Variants in SOX5 observed in about 807,000 individuals in gnomAD.
The protein encoded by SOX5 is transcription factor SOX-5.
A neutral mutation model predicts 92.0 loss-of-function variants in SOX5; 9 were observed. That is an observed-to-expected ratio of 0.10 (90% CI 0.06 to 0.17). The LOEUF is 0.17. Among genes scored for constraint, SOX5 ranks in the 10% least tolerant of loss-of-function variants. The probability of loss-of-function intolerance (pLI) is 1.00; values close to 1 mark genes in which losing one functional copy is unlikely to be tolerated. For missense variants in SOX5, 642 were observed against 944.5 expected (o/e 0.68, Z 4.20); for synonymous variants, 344 against 336.3 (o/e 1.02, Z -0.25).
intron 4 of SOX5, among the ~76,000 whole-genome samples, chr12:23,975,966 T>A (rs1948844054): frequency 6.6e-6 from 1 of 152,184 alleles, no homozygotes; most frequent in Admixed American, 6.5e-5. Context: ...CAACTTCACA[T>A]ATAGTCAATA....
rs150000933 is a variant in SOX5 at position 23,904,515 on chromosome 12, C to T, written c.39-8491G>A. Among the ~76,000 whole-genome samples, 45 of 152,246 alleles carry T rather than the reference C, an allele frequency of 3.0e-4. No homozygotes were observed. The East Asian group carries it at 7.5e-3, about 25-fold the overall frequency. Reference sequence around the variant, plus strand: ...TGTATTTCACCAGAGTAGAGATCAACAAAATTTACCATAACATGTAAATCT... The same window carrying T: ...TGTATTTCACCAGAGTAGAGATCAATAAAATTTACCATAACATGTAAATCT... On this transcript the variant is annotated intron_variant, in intron 1 of 14. Coordinates refer to ENST00000451604, the MANE Select transcript of SOX5 (RefSeq NM_006940.6).
chr12:24,473,675 G>A (rs1173873109), intron 1 of SOX5, among the ~76,000 whole-genome samples: 3 of 152,172 alleles, frequency 2.0e-5, no homozygotes, highest in African/African-American at 7.2e-5. Flanking sequence ...CTCATTGTAA[G>A]AATCCGAGTA....
intron 13 of SOX5, among the ~76,000 whole-genome samples, chr12:23,541,474 G>GT (rs1294788718): frequency 1.3e-5 from 2 of 152,004 alleles, no homozygotes; most frequent in African/African-American, 4.8e-5. Flanking sequence ...CTGGTATGTT[G>GT]TTTTTTAAAG....
intron 3 of SOX5, among the ~76,000 whole-genome samples, chr12:24,235,916 G>A (rs1206987700): frequency 6.6e-6 from 1 of 152,130 alleles, no homozygotes; most frequent in African/African-American, 2.4e-5. Context: ...CAGGCTGGGT[G>A]TGGTGGCTCA....
chr12:23,631,741 T>C (rs1043466430), intron 8 of SOX5, among the ~76,000 whole-genome samples: 1 of 152,108 alleles, frequency 6.6e-6, no homozygotes, highest in Admixed American at 6.6e-5. Context: ...AATCGACCAT[T>C]ACAATAAAAA....
intron 10 of SOX5, among the ~76,000 whole-genome samples, chr12:23,571,400 T>C (rs537099505): frequency 1.6e-4 from 25 of 152,018 alleles, no homozygotes; most frequent in Non-Finnish European, 3.4e-4. Flanking sequence ...AACAGTACAT[T>C]CCAATATGTC....
At chr12:24,292,599 C>T (rs868831292) in intron 2 of SOX5, among the ~76,000 whole-genome samples, 1 of 152,126 alleles carries the variant, frequency 6.6e-6, no homozygotes, top group Non-Finnish European at 1.5e-5. Flanking sequence ...TTCACATAGA[C>T]CACAATTTCA....
intron 2 of SOX5, among the ~76,000 whole-genome samples, chr12:24,338,770 G>A (rs1262462390): frequency 6.6e-6 from 1 of 152,122 alleles, no homozygotes; most frequent in East Asian, 1.9e-4. Context: ...ATAAAGGGCA[G>A]TTCCCCTGTA....
chr12:23,612,621 A>G (rs1226613819), intron 8 of SOX5, among the ~76,000 whole-genome samples: 1 of 152,164 alleles, frequency 6.6e-6, no homozygotes, highest in South Asian at 2.1e-4. Context: ...ACATATATGC[A>G]ATGTGTTAAA....
intron 4 of SOX5, among the ~76,000 whole-genome samples, chr12:24,203,990 A>G (rs776113840): frequency 4.6e-5 from 7 of 152,162 alleles, no homozygotes; most frequent in African/African-American, 7.2e-5. Context: ...AACTACACCA[A>G]AAAAGTCCAT....
intron 2 of SOX5, among the ~76,000 whole-genome samples, chr12:23,872,164 A>AT (rs71059938): frequency 0.12 from 7,428 of 61,586 alleles, 1,240 homozygotes; most frequent in Non-Finnish European, 0.18. Context: ...CGCCCGGCTA[A>AT]TTTTTTTTTT....
chr12:24,176,751 G>A (rs562070736), intron 4 of SOX5, among the ~76,000 whole-genome samples: 155 of 152,278 alleles, frequency 1.0e-3, no homozygotes, highest in South Asian at 2.1e-3. Context: ...ATGTGGTGGC[G>A]AAGTGGAAGT....
chr12:24,344,596 AT>A (rs1255939387), intron 2 of SOX5, among the ~76,000 whole-genome samples: 1 of 152,162 alleles, frequency 6.6e-6, no homozygotes, highest in Non-Finnish European at 1.5e-5. Context: ...TTTTTCAAAC[AT>A]TCAAATGACT....
chr12:23,964,346 C>T (rs926126487), intron 4 of SOX5, among the ~76,000 whole-genome samples: 5 of 152,112 alleles, frequency 3.3e-5, no homozygotes, highest in African/African-American at 1.2e-4. Context: ...ACGATTCACA[C>T]GTATTCCTTA....
At chr12:24,371,591 G>A (rs756718065) in intron 1 of SOX5, among the ~76,000 whole-genome samples, 2 of 152,184 alleles carry the variant, frequency 1.3e-5, no homozygotes, top group Middle Eastern at 3.2e-3. Context: ...TATGGGCTAC[G>A]TTTCCTTAAC....
At position 23,892,787 on chromosome 12, in the gene SOX5, G is replaced by A. The variant is rs368412489; in HGVS notation, c.270+3006C>T. 5.9e-5 allele frequency among the ~76,000 whole-genome samples: 9 copies of A among 152,230 alleles called. No homozygotes were observed. In the East Asian group the frequency reaches 7.7e-4, roughly 13 times the overall value. Reference sequence around the variant, plus strand: ...AAACTGTACTAACTTCTAGAATAACGGATCTTAACCTTTTTGGGTTACAGA... The same window carrying A: ...AAACTGTACTAACTTCTAGAATAACAGATCTTAACCTTTTTGGGTTACAGA... On this transcript the variant is annotated intron_variant, in intron 2 of 14. Transcript: ENST00000451604.
chr12:24,203,887 T>A (rs1206070112), intron 4 of SOX5, among the ~76,000 whole-genome samples: 3 of 152,238 alleles, frequency 2.0e-5, no homozygotes, highest in African/African-American at 7.2e-5. Context: ...TGCTATTTTT[T>A]AATATTTCAT....
At chr12:24,027,259 A>G (rs992498900) in intron 4 of SOX5, among the ~76,000 whole-genome samples, 41 of 151,832 alleles carry the variant, frequency 2.7e-4, no homozygotes, top group African/African-American at 9.4e-4. Context: ...TAATTACTCC[A>G]ATGACTTCTG....
intron 1 of SOX5, among the ~76,000 whole-genome samples, chr12:24,450,261 A>G (rs1386257995): frequency 6.6e-6 from 1 of 152,170 alleles, no homozygotes; most frequent in East Asian, 1.9e-4. Context: ...ACAGTAAGTA[A>G]TGTGTGGGGT....
Sources: gnomAD v4.1 joint callset for allele counts (sites outside exome capture counted in the v4.1 genomes callset) on GRCh38, gnomAD v4.1.1 for gene constraint, MANE v1.5 for transcripts, NCBI Gene and HGNC (gene_info 2026-07-23, HGNC 2026-07-21) for gene names.